Variants in KLHL8 observed in about 807,000 individuals in gnomAD.
The protein encoded by KLHL8 is kelch-like protein 8.
In KLHL8, 38 loss-of-function variants were observed where a neutral mutation model predicts 63.5. The observed-to-expected ratio is 0.60, with a 90% CI of 0.46 to 0.78. The LOEUF (loss-of-function observed/expected upper bound fraction) is 0.78, where lower values mean the gene tolerates loss of function less well. Ranked by LOEUF, KLHL8 falls within the 30% of genes least tolerant of loss-of-function variation. KLHL8 has a pLI of 0.00. For missense variants in KLHL8, 566 were observed against 752.4 expected (o/e 0.75, Z 2.90); for synonymous variants, 224 against 254.3 (o/e 0.88, Z 1.13).
intron 1 of KLHL8, chr4:87,207,609 G>A (rs1732187182): frequency 8.1e-7 from 1 of 1,234,338 alleles, no homozygotes; most frequent in Non-Finnish European, 1.2e-6. Context: ...AAGGACTCAT[G>A]ACTACAGTCC....
In KLHL8 at chr4:87,209,871, G is replaced by A. The variant is rs1021405631; in HGVS notation, c.-152+10547C>T. Among the ~76,000 whole-genome samples, 285 of 45,330 alleles carry A rather than the reference G, an allele frequency of 6.3e-3. 2 individuals are homozygous for A. Among genetic ancestry groups the A allele is most frequent in the African/African-American group, 0.023 (257 of 10,966 alleles). 29.7% of individuals were successfully genotyped at this position (45,330 alleles called of 152,430 possible). A position where few individuals can be genotyped will look rare whatever the true frequency, so the allele number is the denominator to read the frequency against. On this transcript the variant is annotated intron_variant, in intron 1 of 9. Transcript: ENST00000273963. ...GGGTTTTTTTTTTTTTTTTTTTTTT[G>A]AGGCAAGGCCTGGCTCTATTGGCCC...
intron 1 of KLHL8, chr4:87,207,078 T>C: frequency 2.1e-6 from 1 of 468,968 alleles, no homozygotes; most frequent in East Asian, 5.0e-5. Flanking sequence ...GCCAGCTGCA[T>C]CGCTGAGGTA....
chr4:87,227,262 T>C (rs2110068252), intron 1 of KLHL8, among the ~76,000 whole-genome samples: 1 of 151,868 alleles, frequency 6.6e-6, no homozygotes, highest in Non-Finnish European at 1.5e-5. Context: ...AGGAAACTAA[T>C]CCAGTTTTAA....
intron 1 of KLHL8, among the ~76,000 whole-genome samples, chr4:87,196,500 C>A (rs894572712): frequency 6.6e-6 from 1 of 152,062 alleles, no homozygotes; most frequent in Non-Finnish European, 1.5e-5. Flanking sequence ...AGACCTCGAT[C>A]TCTTCTGTAA....
chr4:87,214,965 A>T (rs1020552844), intron 1 of KLHL8, among the ~76,000 whole-genome samples: 1 of 151,938 alleles, frequency 6.6e-6, no homozygotes, highest in Non-Finnish European at 1.5e-5. Context: ...TGCCCAGATA[A>T]TTTTTGTATT....
At chr4:87,209,277 AAAC>A (rs1732289532) in intron 1 of KLHL8, among the ~76,000 whole-genome samples, 1 of 152,174 alleles carries the variant, frequency 6.6e-6, no homozygotes, top group Non-Finnish European at 1.5e-5. Context: ...TAAAAGCACA[AAAC>A]AACAGAGAGG....
At chr4:87,238,812 A>G (rs934039964) in intron 1 of KLHL8, among the ~76,000 whole-genome samples, 5 of 152,212 alleles carry the variant, frequency 3.3e-5, no homozygotes, top group African/African-American at 1.2e-4. Context: ...TCAGTGCTCA[A>G]GCATCCATAA....
intron 2 of KLHL8, among the ~76,000 whole-genome samples, chr4:87,190,765 T>TCAAG (rs1731452394): frequency 6.6e-6 from 1 of 152,160 alleles, no homozygotes; most frequent in Non-Finnish European, 1.5e-5. Flanking sequence ...AAGTTCAAGA[T>TCAAG]CAAGGCACTG....
intron 1 of KLHL8, among the ~76,000 whole-genome samples, chr4:87,228,878 C>T (rs1230972384): frequency 6.6e-6 from 1 of 152,192 alleles, no homozygotes; most frequent in African/African-American, 2.4e-5. Flanking sequence ...TGCTACCAGT[C>T]ATGAAGCCAC....
At chr4:87,209,367 A>G (rs577679056) in intron 1 of KLHL8, among the ~76,000 whole-genome samples, 11 of 152,320 alleles carry the variant, frequency 7.2e-5, no homozygotes, top group Non-Finnish European at 1.0e-4. Context: ...TTGGCATATT[A>G]TGACAATGAA....
chr4:87,230,747 G>A (rs910156759), intron 1 of KLHL8, among the ~76,000 whole-genome samples: 1 of 152,182 alleles, frequency 6.6e-6, no homozygotes, highest in South Asian at 2.1e-4. Flanking sequence ...CAGACCAGGT[G>A]ATCAGAATTG....
chr4:87,192,567 T>C (rs1376802028), intron 2 of KLHL8, among the ~76,000 whole-genome samples: 1 of 152,220 alleles, frequency 6.6e-6, no homozygotes, highest in Non-Finnish European at 1.5e-5. Flanking sequence ...CAACAAGCTA[T>C]ACCATATAGC....
At chr4:87,217,546 G>A (rs1732647434) in intron 1 of KLHL8, among the ~76,000 whole-genome samples, 1 of 151,718 alleles carries the variant, frequency 6.6e-6, no homozygotes, top group Admixed American at 6.6e-5. Flanking sequence ...GGGTTTCGCC[G>A]TGTTGTTCAG....
At chr4:87,232,131 C>T (rs1733147176) in intron 1 of KLHL8, among the ~76,000 whole-genome samples, 1 of 152,168 alleles carries the variant, frequency 6.6e-6, no homozygotes, top group Non-Finnish European at 1.5e-5. Flanking sequence ...TGTGCACTTA[C>T]CTCTGTGTGC....
intron 1 of KLHL8, among the ~76,000 whole-genome samples, chr4:87,196,245 T>C (rs1731694281): frequency 6.6e-6 from 1 of 152,116 alleles, no homozygotes; most frequent in Admixed American, 6.5e-5. Context: ...AGACCGTATT[T>C]TACTATCAAG....
chr4:87,213,135 T>A (rs1352904111), intron 1 of KLHL8, among the ~76,000 whole-genome samples: 1 of 152,206 alleles, frequency 6.6e-6, no homozygotes, highest in Non-Finnish European at 1.5e-5. Context: ...CTTACAGTAA[T>A]CATTTCCTTG....
intron 1 of KLHL8, among the ~76,000 whole-genome samples, chr4:87,230,431 C>T (rs1338676833): frequency 2.6e-5 from 4 of 152,266 alleles, no homozygotes; most frequent in Admixed American, 6.5e-5. Flanking sequence ...TCTGGAGAGA[C>T]AAGTAGCACC....
intron 1 of KLHL8, among the ~76,000 whole-genome samples, chr4:87,227,799 C>A (rs1186160746): frequency 6.6e-6 from 1 of 152,182 alleles, no homozygotes; most frequent in Non-Finnish European, 1.5e-5. Context: ...TTTTATCTTG[C>A]TTAAGCCACT....
At chr4:87,209,383 C>G (rs770367731) in intron 1 of KLHL8, among the ~76,000 whole-genome samples, 7 of 152,020 alleles carry the variant, frequency 4.6e-5, no homozygotes, top group Non-Finnish European at 1.0e-4. Context: ...ATGAAGCAGA[C>G]AGAAAGCTGA....
Sources: allele counts gnomAD v4.1 joint callset (sites outside exome capture counted in the v4.1 genomes callset), GRCh38; gene constraint gnomAD v4.1.1; transcripts MANE v1.5; gene names NCBI Gene and HGNC (gene_info 2026-07-23, HGNC 2026-07-21).